The following DYSF variants were observed in gnomAD, a reference collection of about 807,000 sequenced individuals.
DYSF encodes dysferlin.
In DYSF, 212 loss-of-function variants were observed where a neutral mutation model predicts 274.9. That is an observed-to-expected ratio of 0.77 (90% CI 0.69 to 0.86). The LOEUF (loss-of-function observed/expected upper bound fraction) is 0.86. DYSF is among the 40% of genes least tolerant of loss of function. The probability of loss-of-function intolerance (pLI) is 0.00; values close to 1 mark genes in which losing one functional copy is unlikely to be tolerated. For missense variants in DYSF, 2,666 were observed against 2,783.2 expected (o/e 0.96, Z 0.95); for synonymous variants, 1,091 against 1,078.7 (o/e 1.01, Z -0.22).
At chr2:71,620,298 C>T (rs542022971) in intron 40 of DYSF, among the ~76,000 whole-genome samples, 8 of 152,360 alleles carry the variant, frequency 5.3e-5, no homozygotes, top group Admixed American at 1.3e-4. Flanking sequence ...TACTCACTGT[C>T]GCCCTGTGAG....
Position 71,613,468 on chromosome 2 carries a change from A to C in DYSF, c.4464+58A>C. 6 of 1,393,766 alleles carry C rather than the reference A, an allele frequency of 4.3e-6. No homozygotes were observed. The Middle Eastern group carries it at 1.1e-3, about 245-fold the overall frequency. 86.3% of individuals were successfully genotyped at this position (1,393,766 alleles called of 1,614,324 possible). Reference sequence around the variant, plus strand: ...CACCTTTCCCCTCCATTCCTCATCAATTCCCACCCCTTCTCCCCTACCCTT... The same window carrying C: ...CACCTTTCCCCTCCATTCCTCATCACTTCCCACCCCTTCTCCCCTACCCTT... On this transcript the variant is annotated intron_variant, in intron 40 of 55. Transcript: ENST00000410020.
intron 20 of DYSF, 41 bp downstream of exon 20, chr2:71,553,229 A>T (rs757424224): frequency 6.2e-7 from 1 of 1,612,866 alleles, no homozygotes; most frequent in Non-Finnish European, 8.5e-7. Context: ...TCACAGGATC[A>T]TAGAGCAGGG....
intron 41 of DYSF, among the ~76,000 whole-genome samples, chr2:71,637,126 A>G (rs1254315049): frequency 6.6e-6 from 1 of 152,218 alleles, no homozygotes; most frequent in Non-Finnish European, 1.5e-5. Flanking sequence ...TGGAAGCCCA[A>G]AGGGAACGTG....
chr2:71,474,038 T>C (rs903291040), intron 1 of DYSF, among the ~76,000 whole-genome samples: 8 of 151,404 alleles, frequency 5.3e-5, no homozygotes, highest in African/African-American at 1.9e-4. Flanking sequence ...GTGATTCTCT[T>C]CCCTCAGCCT....
At chr2:71,491,370 C>T (rs1023068936) in intron 3 of DYSF, among the ~76,000 whole-genome samples, 1 of 152,220 alleles carries the variant, frequency 6.6e-6, no homozygotes, top group Non-Finnish European at 1.5e-5. Flanking sequence ...CACATGGCAA[C>T]AGGCATTTAC....
At chr2:71,544,364 T>C (rs2090286393) in intron 17 of DYSF, among the ~76,000 whole-genome samples, 1 of 152,096 alleles carries the variant, frequency 6.6e-6, no homozygotes, top group Non-Finnish European at 1.5e-5. Flanking sequence ...CTCTTGAAGC[T>C]GGAGATCGTC....
At chr2:71,562,869 G>C (rs970981208) in intron 23 of DYSF, among the ~76,000 whole-genome samples, 16 of 152,342 alleles carry the variant, frequency 1.1e-4, no homozygotes, top group Non-Finnish European at 1.9e-4. Context: ...AACCCCTCAG[G>C]CTGGTCACGG....
intron 29 of DYSF, among the ~76,000 whole-genome samples, chr2:71,573,479 C>T (rs72827562): frequency 0.038 from 5,720 of 152,230 alleles, 137 homozygotes; most frequent in Middle Eastern, 0.078. Flanking sequence ...AGGGGGCTCC[C>T]GGGACTCCCT....
Position 71,511,937 on chromosome 2 carries a change from T to C in DYSF, c.460+16T>C. The C allele has an allele frequency of 6.7e-7, 1 of 1,494,336 alleles. No individual in the cohort carries two copies. The highest frequency in any genetic ancestry group is 2.5e-5 in the East Asian group (1 of 40,646). 92.6% of individuals were successfully genotyped at this position (1,494,336 alleles called of 1,614,324 possible). A position where few individuals can be genotyped will look rare whatever the true frequency, so the allele number is the denominator to read the frequency against. On this transcript the variant is annotated intron_variant, in intron 5 of 55. Transcript: ENST00000410020. ...GTAGTGGCAGGTGGGTAGCCCACGT[T>C]GGCCTGGCTGGGCCCCAGCAAGAAG...
chr2:71,575,279 G>A (rs2092664363), intron 30 of DYSF, among the ~76,000 whole-genome samples: 1 of 152,188 alleles, frequency 6.6e-6, no homozygotes, highest in Non-Finnish European at 1.5e-5. Context: ...GGTGGGCTGG[G>A]GAGGCTCTGT....
At chr2:71,546,324 A>G (rs1316303584) in intron 17 of DYSF, among the ~76,000 whole-genome samples, 1 of 152,270 alleles carries the variant, frequency 6.6e-6, no homozygotes, top group Non-Finnish European at 1.5e-5. Flanking sequence ...CTCAAAGACC[A>G]AATGAAACTG....
At chr2:71,462,505 G>A (rs2081325393), upstream of DYSF, among the ~76,000 whole-genome samples, 1 of 152,166 alleles carries the variant, frequency 6.6e-6, no homozygotes. Context: ...GGGGTGGGGG[G>A]CAGGCTGTTT....
Position 71,613,392 on chromosome 2 carries a change from G to T in DYSF, c.4446G>T (p.Glu1482Asp), listed in dbSNP as rs1463408383. The T allele has an allele frequency of 6.2e-7, 1 of 1,613,286 alleles. No individual in the cohort carries two copies. The highest frequency in any genetic ancestry group is 8.5e-7 in the Non-Finnish European group (1 of 1,179,722). The stretch of plus-strand genomic sequence containing the variant: ...TGCTCATCGACATTGATGACAAGGA[G>T]CCCCTCATCCCCATCCAGGTAGGAT... Reference protein sequence around the residue: ...EDVLIDIDDKEPLIPIQLADG... With the variant: ...EDVLIDIDDKDPLIPIQLADG... The change falls in exon 40 of 56, where the codon GAG (glutamate) becomes GAT (aspartate). Residue 1482 changes from glutamate to aspartate, a missense_variant. By Grantham distance (45) the Glu-to-Asp change is conservative. This residue lies in a region of DYSF where 1,460 missense variants were observed against 1,502.1 expected (regional missense o/e 0.97). Transcript: ENST00000410020.
At chr2:71,578,918 C>T (rs569645746) in intron 30 of DYSF, among the ~76,000 whole-genome samples, 29 of 152,332 alleles carry the variant, frequency 1.9e-4, no homozygotes, top group South Asian at 4.1e-4. Flanking sequence ...GTCTGCTAAT[C>T]GTCTGCTGTC....
At chr2:71,554,052 A>G in intron 21 of DYSF, 121 bp downstream of exon 21, 9 of 1,478,998 alleles carry the variant, frequency 6.1e-6, no homozygotes, top group Non-Finnish European at 7.5e-6. Flanking sequence ...GTGCCTACTG[A>G]CCTTTGTGGT....
chr2:71,632,328 C>T (rs2094328566), intron 41 of DYSF, among the ~76,000 whole-genome samples: 1 of 152,166 alleles, frequency 6.6e-6, no homozygotes, highest in African/African-American at 2.4e-5. Context: ...AAATTAGCAA[C>T]AAGTTCAAAA....
At chr2:71,565,370 G>A (rs969995468) in intron 24 of DYSF, among the ~76,000 whole-genome samples, 8 of 151,798 alleles carry the variant, frequency 5.3e-5, no homozygotes, top group Non-Finnish European at 1.2e-4. Flanking sequence ...GGATTCAGGC[G>A]TGAGCCACCG....
chr2:71,575,811 C>T (rs1423771332), intron 30 of DYSF, among the ~76,000 whole-genome samples: 2 of 150,704 alleles, frequency 1.3e-5, no homozygotes, highest in Non-Finnish European at 3.0e-5. Context: ...CTGGGAAGAA[C>T]CCGAGAGGTG....
chr2:71,611,165 C>G, intron 36 of DYSF, 80 bp from the exon 37 acceptor site: 4 of 1,053,812 alleles, frequency 3.8e-6, no homozygotes, highest in Non-Finnish European at 5.9e-6. Flanking sequence ...TTCTTTCTGT[C>G]CTATCTGTCC....
Sources: allele counts gnomAD v4.1 joint callset (sites outside exome capture counted in the v4.1 genomes callset), GRCh38; gene constraint gnomAD v4.1.1; regional missense constraint gnomAD v4.1.1; transcripts MANE v1.5; gene names NCBI Gene and HGNC (gene_info 2026-07-23, HGNC 2026-07-21).